RAI1: variants seen among roughly 807,000 people sequenced by gnomAD.
RAI1 encodes retinoic acid induced 1.
In RAI1, 9 loss-of-function variants were observed where a neutral mutation model predicts 123.8. That is an observed-to-expected ratio of 0.07 (90% CI 0.04 to 0.13). The LOEUF is 0.13. Among genes scored for constraint, RAI1 ranks in the 10% least tolerant of loss-of-function variants. The pLI, the probability that RAI1 is intolerant of heterozygous loss-of-function variation, is 1.00. For missense variants in RAI1, 2,256 were observed against 2,545.8 expected, an observed-to-expected ratio of 0.89 and a Z score of 2.45; for synonymous variants, 1,231 against 1,127.3, an observed-to-expected ratio of 1.09 and a Z score of -1.84.
chr17:17,766,608 G>A (rs1202239382), intron 2 of RAI1, among the ~76,000 whole-genome samples: 2 of 152,226 alleles, frequency 1.3e-5, no homozygotes, highest in Admixed American at 6.5e-5. Context: ...CAAGGCAGGC[G>A]GAGAGCACTG....
chr17:17,705,932 G>T (rs9910411), intron 1 of RAI1, among the ~76,000 whole-genome samples: 61,548 of 149,414 alleles, frequency 0.41, 13,294 homozygotes, highest in Middle Eastern at 0.52. Context: ...GCTGAGGCAG[G>T]AGAATCTCCT....
intron 4 of RAI1, among the ~76,000 whole-genome samples, chr17:17,804,463 C>T (rs779573008): frequency 2.6e-5 from 4 of 152,188 alleles, no homozygotes; most frequent in Non-Finnish European, 4.4e-5. Flanking sequence ...ACAGAATGAC[C>T]GTGCATGGGC....
chr17:17,700,556 C>T (rs1598020190), intron 1 of RAI1, among the ~76,000 whole-genome samples: 2 of 152,260 alleles, frequency 1.3e-5, no homozygotes, highest in African/African-American at 4.8e-5. Flanking sequence ...GCCTGAGGCG[C>T]GGCCGGCCGC....
chr17:17,790,861 A>C (rs1357243404), intron 2 of RAI1, among the ~76,000 whole-genome samples: 5 of 152,088 alleles, frequency 3.3e-5, no homozygotes, highest in African/African-American at 1.2e-4. Context: ...GCCCTGTGGC[A>C]GTCTGGCCAG....
At chr17:17,723,644 T>G in intron 1 of RAI1, among the ~76,000 whole-genome samples, 1 of 105,918 alleles carries the variant, frequency 9.4e-6, no homozygotes. Flanking sequence ...CTCCTCCCGC[T>G]CCCTTCCCGA....
intron 1 of RAI1, among the ~76,000 whole-genome samples, chr17:17,719,883 C>T (rs768754760): frequency 3.0e-4 from 46 of 152,176 alleles, no homozygotes; most frequent in Non-Finnish European, 5.7e-4. Flanking sequence ...AAGTTGCTGC[C>T]CCACTACTCA....
chr17:17,776,327 G>A (rs965172758), intron 2 of RAI1, among the ~76,000 whole-genome samples: 1 of 152,180 alleles, frequency 6.6e-6, no homozygotes, highest in Non-Finnish European at 1.5e-5. Context: ...ACATGCTCAT[G>A]GTAGAAAAAT....
chr17:17,739,132 G>A (rs949301844), intron 2 of RAI1, among the ~76,000 whole-genome samples: 1 of 152,184 alleles, frequency 6.6e-6, no homozygotes, highest in Non-Finnish European at 1.5e-5. Context: ...CGCCTCCTCC[G>A]TGCATATTGC....
In RAI1 at chr17:17,796,201, G is replaced by A. The variant is rs1215594274; in HGVS notation, c.3253G>A (p.Gly1085Arg). Residue 1085 changes from glycine to arginine, a missense_variant, in exon 3 of 6, where the codon GGG becomes AGG. By Grantham distance (125) the Gly-to-Arg change is moderately radical. Coordinates refer to ENST00000353383, the MANE Select transcript of RAI1 (RefSeq NM_030665.4). The surrounding 1 kb of genome is among the most constrained non-coding windows in gnomAD (Gnocchi z 5.8). ...CACCCCTGCACCCCCAGACAAACTGGGGGGCAAGCAGCGAGCCGCCTTCAA... is the reference window on the plus strand; with the variant it reads ...CACCCCTGCACCCCCAGACAAACTGAGGGGCAAGCAGCGAGCCGCCTTCAA... ...TTTPAPPDKL[G>R]GKQRAAFKSG... 6.4e-7 allele frequency: 1 copy of A among 1,555,360 alleles called. No homozygotes were observed. The highest frequency in any genetic ancestry group is 1.9e-5 in the Admixed American group (1 of 52,558).
At chr17:17,698,165 G>A (rs1193037461) in intron 1 of RAI1, among the ~76,000 whole-genome samples, 1 of 152,178 alleles carries the variant, frequency 6.6e-6, no homozygotes, top group Non-Finnish European at 1.5e-5. Context: ...GCTGTGGGGT[G>A]ACCCTGCTCC....
chr17:17,778,518 T>C (rs901535726), intron 2 of RAI1: 7 of 353,424 alleles, frequency 2.0e-5, no homozygotes, highest in Non-Finnish European at 3.4e-5. Context: ...ACCCAGCATA[T>C]ACATATGCAG....
rs141317462 is a variant in RAI1, at chr17:17,797,624, G to A, written c.4676G>A (p.Arg1559Gln). ...TCACCCTGTAAGGGGCGTGCCAAGC[G>A]ACGACGACAGCAGCAGGTGCTGCCC... ...TSSPCKGRAK[R>Q]RRQQQVLPLD... Residue 1559 changes from arginine to glutamine, a missense_variant, in exon 3 of 6, where the codon CGA becomes CAA. Transcript: ENST00000353383. 1,219 of 1,613,726 alleles carry A rather than the reference G, an allele frequency of 7.6e-4. No individual in the cohort carries two copies. Among genetic ancestry groups the A allele is most frequent in the Non-Finnish European group, 9.8e-4 (1,155 of 1,180,042 alleles).
chr17:17,762,748 C>T (rs916041824), intron 2 of RAI1, among the ~76,000 whole-genome samples: 1 of 152,088 alleles, frequency 6.6e-6, no homozygotes, highest in Non-Finnish European at 1.5e-5. Context: ...CCAAGAGCCC[C>T]CAGGACACAG....
At chr17:17,771,897 ACT>A (rs1266810539) in intron 2 of RAI1, among the ~76,000 whole-genome samples, 1 of 152,044 alleles carries the variant, frequency 6.6e-6, no homozygotes, top group Non-Finnish European at 1.5e-5. Flanking sequence ...GGAATGTCAC[ACT>A]CTCTGTCCCC....
At chr17:17,720,485 C>T (rs1307003843) in intron 1 of RAI1, among the ~76,000 whole-genome samples, 1 of 152,190 alleles carries the variant, frequency 6.6e-6, no homozygotes, top group Non-Finnish European at 1.5e-5. Flanking sequence ...TTTGTGGGTG[C>T]TGGGTGCTGG....
intron 2 of RAI1, among the ~76,000 whole-genome samples, chr17:17,756,091 G>T (rs1392907380): frequency 1.3e-5 from 2 of 152,218 alleles, no homozygotes; most frequent in Non-Finnish European, 2.9e-5. Flanking sequence ...TGTTGGGACT[G>T]CCTGTGTCCC....
chr17:17,731,337 A>G (rs542337521), intron 2 of RAI1, among the ~76,000 whole-genome samples: 1 of 152,228 alleles, frequency 6.6e-6, no homozygotes. Context: ...CCAAAGGGAC[A>G]GGGGCTGGGT....
intron 2 of RAI1, among the ~76,000 whole-genome samples, chr17:17,745,518 C>T (rs1405079870): frequency 1.3e-5 from 2 of 152,032 alleles, no homozygotes; most frequent in African/African-American, 2.4e-5. Flanking sequence ...CAACCTCAGC[C>T]TCCTGAGTAG....
chr17:17,781,458 A>C (rs927157311), intron 2 of RAI1, among the ~76,000 whole-genome samples: 2 of 152,180 alleles, frequency 1.3e-5, no homozygotes, highest in Admixed American at 6.5e-5. Flanking sequence ...TGGGGTTTGC[A>C]TGGGTGGCCT....
Sources: gnomAD v4.1 joint callset for allele counts (sites outside exome capture counted in the v4.1 genomes callset) on GRCh38, gnomAD v4.1.1 for gene constraint, Gnocchi (gnomAD v3.1) non-coding constraint, MANE v1.5 for transcripts, NCBI Gene and HGNC (gene_info 2026-07-23, HGNC 2026-07-21) for gene names.